The following KLHL32 variants were observed in gnomAD, a reference collection of about 807,000 sequenced individuals.
The protein encoded by KLHL32 is kelch-like protein 32.
In KLHL32, 35 loss-of-function variants were observed where a neutral mutation model predicts 64.8. The observed-to-expected ratio is 0.54, with a 90% CI of 0.41 to 0.72. The LOEUF (loss-of-function observed/expected upper bound fraction) is 0.72, where lower values mean the gene tolerates loss of function less well. Ranked by LOEUF, KLHL32 falls within the 30% of genes least tolerant of loss-of-function variation. The pLI, the probability that KLHL32 is intolerant of heterozygous loss-of-function variation, is 0.00. For missense variants in KLHL32, 589 were observed against 768.5 expected (o/e 0.77, Z 2.76); for synonymous variants, 259 against 281.0 (o/e 0.92, Z 0.78).
intron 6 of KLHL32, among the ~76,000 whole-genome samples, chr6:97,104,332 G>C (rs2128200793): frequency 6.6e-6 from 1 of 152,222 alleles, no homozygotes; most frequent in South Asian, 2.1e-4. Context: ...GTGGGAAATA[G>C]ACACCTTTAG....
chr6:97,061,396 G>A (rs909001912), intron 4 of KLHL32, among the ~76,000 whole-genome samples: 26 of 134,822 alleles, frequency 1.9e-4, no homozygotes, highest in African/African-American at 7.0e-4. Context: ...TATGTATCTA[G>A]CATTTTCTTG....
chr6:96,980,484 A>G (rs145222259), intron 3 of KLHL32, among the ~76,000 whole-genome samples: 28 of 152,280 alleles, frequency 1.8e-4, no homozygotes, highest in Non-Finnish European at 3.1e-4. Context: ...CATATAGTGA[A>G]CCAACCTTAT....
the KLHL32 span, among the ~76,000 whole-genome samples, chr6:96,898,873 C>T: frequency 3.1e-4 from 47 of 152,162 alleles, no homozygotes; most frequent in African/African-American, 1.1e-3. Flanking sequence ...CAGTATTTCT[C>T]TTACTGTGGC....
Position 97,085,355 on chromosome 6 carries a change from G to A in KLHL32, c.627+14G>A. The A allele has an allele frequency of 6.2e-7, 1 of 1,609,242 alleles. No individual in the cohort carries two copies. The highest frequency in any genetic ancestry group is 8.5e-7 in the Non-Finnish European group (1 of 1,177,470). On this transcript the variant is annotated intron_variant, in intron 6 of 10. Transcript: ENST00000369261. ...CAGATCTGGCAGGTAAGGGCGCTGT[G>A]CACGGTCGCTTTTGGCACTGAAAAA...
chr6:96,963,733 C>A (rs544836568), intron 1 of KLHL32, among the ~76,000 whole-genome samples: 1 of 152,312 alleles, frequency 6.6e-6, no homozygotes, highest in Admixed American at 6.5e-5. Flanking sequence ...CATTCCTTGT[C>A]TTTAAATGTT....
At chr6:97,010,507 G>C (rs1209438773) in intron 3 of KLHL32, among the ~76,000 whole-genome samples, 1 of 152,152 alleles carries the variant, frequency 6.6e-6, no homozygotes, top group African/African-American at 2.4e-5. Flanking sequence ...ATAGTGCATT[G>C]TTCCCCTTAA....
At chr6:97,091,361 T>A (rs1431951238) in intron 6 of KLHL32, among the ~76,000 whole-genome samples, 1 of 152,214 alleles carries the variant, frequency 6.6e-6, no homozygotes, top group Non-Finnish European at 1.5e-5. Flanking sequence ...AGATGACATA[T>A]GCCTCATTCA....
chr6:97,091,346 C>G (rs1794192219), intron 6 of KLHL32, among the ~76,000 whole-genome samples: 3 of 152,196 alleles, frequency 2.0e-5, no homozygotes, highest in Admixed American at 2.0e-4. Flanking sequence ...AATTCTAATT[C>G]TGTTAGATGA....
At chr6:97,006,735 C>T (rs1302715266) in intron 3 of KLHL32, among the ~76,000 whole-genome samples, 1 of 152,142 alleles carries the variant, frequency 6.6e-6, no homozygotes, top group African/African-American at 2.4e-5. Flanking sequence ...GATCTTATTT[C>T]TCCTTTGCTT....
chr6:97,048,215 G>A (rs1454771921), intron 4 of KLHL32, among the ~76,000 whole-genome samples: 3 of 152,084 alleles, frequency 2.0e-5, no homozygotes, highest in African/African-American at 7.2e-5. Flanking sequence ...CCACTTCCAG[G>A]CACTGCTAAC....
At chr6:96,903,294 C>T in the KLHL32 span, among the ~76,000 whole-genome samples, 1 of 151,738 alleles carries the variant, frequency 6.6e-6, no homozygotes, top group African/African-American at 2.4e-5. Flanking sequence ...ATAATACTTA[C>T]TCTCATTCCC....
the KLHL32 span, among the ~76,000 whole-genome samples, chr6:96,915,664 A>G: frequency 6.8e-6 from 1 of 146,290 alleles, no homozygotes; most frequent in Non-Finnish European, 1.5e-5. Context: ...AAAAAAAAAA[A>G]GGGATGGATA....
chr6:97,034,270 A>C (rs2128119697), intron 3 of KLHL32, among the ~76,000 whole-genome samples: 1 of 152,110 alleles, frequency 6.6e-6, no homozygotes, highest in East Asian at 1.9e-4. Context: ...TATATTGAAA[A>C]GCCTGTCCTT....
chr6:97,114,261 G>A lies in KLHL32; in HGVS notation c.1106G>A (p.Cys369Tyr), dbSNP rs1403781379. The change falls in exon 7 of 11, where the codon TGT becomes TAT. Residue 369 changes from cysteine to tyrosine, a missense_variant. By Grantham distance (194) the Cys-to-Tyr change is radical. This residue lies in a region of KLHL32 where 226 missense variants were observed against 353.2 expected (regional missense o/e 0.64). Transcript: ENST00000369261. ...SGRTCAVRTACRYDPRSNSWA... is the reference protein window; with the variant it reads ...SGRTCAVRTAYRYDPRSNSWA... ...CGGACGTGTGCTGTGAGGACTGCCT[G>A]TCGCTATGACCCCCGCAGTAATTCC... The A allele has an allele frequency of 6.2e-7, 1 of 1,614,026 alleles. No individual in the cohort carries two copies. The highest frequency in any genetic ancestry group is 8.5e-7 in the Non-Finnish European group (1 of 1,180,044).
chr6:97,086,367 G>T (rs565342441), intron 6 of KLHL32, among the ~76,000 whole-genome samples: 1 of 152,096 alleles, frequency 6.6e-6, no homozygotes, highest in Non-Finnish European at 1.5e-5. Flanking sequence ...TTCATTATTT[G>T]TGTTACTTTA....
chr6:96,959,994 C>T (rs1773710164), intron 1 of KLHL32, among the ~76,000 whole-genome samples: 1 of 152,230 alleles, frequency 6.6e-6, no homozygotes, highest in South Asian at 2.1e-4. Context: ...AGGGTATGGG[C>T]TCTGTTGGAT....
intron 3 of KLHL32, among the ~76,000 whole-genome samples, chr6:97,023,537 G>A (rs1272082406): frequency 1.3e-5 from 2 of 152,194 alleles, no homozygotes; most frequent in African/African-American, 2.4e-5. Flanking sequence ...ACACATGACA[G>A]TATGGCATTA....
chr6:97,089,838 A>G (rs780766169), intron 6 of KLHL32, among the ~76,000 whole-genome samples: 20 of 152,106 alleles, frequency 1.3e-4, no homozygotes, highest in Middle Eastern at 3.4e-3. Context: ...GGTTGAGGAC[A>G]CTTCCTACTT....
chr6:96,943,406 A>AT (rs1167000316), intron 1 of KLHL32, among the ~76,000 whole-genome samples: 2 of 151,576 alleles, frequency 1.3e-5, no homozygotes, highest in African/African-American at 4.8e-5. Flanking sequence ...AAAAAACCTT[A>AT]TACTGTTCTA....
Sources: allele counts gnomAD v4.1 joint callset (sites outside exome capture counted in the v4.1 genomes callset), GRCh38; gene constraint gnomAD v4.1.1; regional missense constraint gnomAD v4.1.1; transcripts MANE v1.5; gene names NCBI Gene and HGNC (gene_info 2026-07-23, HGNC 2026-07-21).